CNPY1: variants seen among roughly 807,000 people sequenced by gnomAD.
The protein encoded by CNPY1 is canopy FGF signaling regulator 1, also known as protein canopy homolog 1.
A neutral mutation model predicts 14.4 loss-of-function variants in CNPY1; 14 were observed. The observed-to-expected ratio is 0.97, with a 90% CI of 0.64 to 1.52. The LOEUF is 1.52. Ranked by LOEUF, CNPY1 falls within the 40% of genes most tolerant of loss-of-function variation. The pLI is 0.00. For missense variants in CNPY1, 129 were observed against 131.5 expected (o/e 0.98, Z 0.09); for synonymous variants, 43 against 46.5 (o/e 0.92, Z 0.31).
chr7:155,509,496 A>G (rs1796453656), intron 2 of CNPY1, among the ~76,000 whole-genome samples: 1 of 151,988 alleles, frequency 6.6e-6, no homozygotes, highest in African/African-American at 2.4e-5. Flanking sequence ...AGGGGGAGAG[A>G]GACAGAGAGA....
chr7:155,520,428 CTTTTTTTTTTTTTTT>C (rs71522007), intron 2 of CNPY1, among the ~76,000 whole-genome samples: 8 of 69,410 alleles, frequency 1.2e-4, no homozygotes, highest in East Asian at 5.9e-4. Context: ...TTCTTTCTTT[CTTTTTTTTTTTTTTT>C]TTTTTTTTTT....
At chr7:155,542,503 G>C (rs920624098) in intron 2 of CNPY1, among the ~76,000 whole-genome samples, 2 of 152,198 alleles carry the variant, frequency 1.3e-5, no homozygotes, top group African/African-American at 4.8e-5. Context: ...TCACTGCTGG[G>C]CCTCACGTGG....
chr7:155,526,236 G>C (rs1745429150), intron 2 of CNPY1, among the ~76,000 whole-genome samples: 1 of 152,130 alleles, frequency 6.6e-6, no homozygotes, highest in South Asian at 2.1e-4. Context: ...GGGGAGCAAG[G>C]CTTATTTGAT....
chr7:155,515,045 C>T (rs1190331138), intron 2 of CNPY1, among the ~76,000 whole-genome samples: 1 of 152,206 alleles, frequency 6.6e-6, no homozygotes, highest in Non-Finnish European at 1.5e-5. Flanking sequence ...CACGCACACA[C>T]CACGCCATGC....
chr7:155,510,270 G>T (rs1796496556), intron 2 of CNPY1: 1 of 152,148 alleles, frequency 6.6e-6, no homozygotes, highest in Non-Finnish European at 1.5e-5. Flanking sequence ...TCAGCGGCGC[G>T]GCGGCGTCCC....
intron 2 of CNPY1, among the ~76,000 whole-genome samples, chr7:155,531,401 A>C (rs1402835032): frequency 6.6e-6 from 1 of 152,240 alleles, no homozygotes; most frequent in Non-Finnish European, 1.5e-5. Flanking sequence ...GTAGGTAATT[A>C]GGCTAGCCAC....
chr7:155,541,627 C>T (rs998594136), intron 2 of CNPY1, among the ~76,000 whole-genome samples: 1 of 152,218 alleles, frequency 6.6e-6, no homozygotes, highest in Non-Finnish European at 1.5e-5. Flanking sequence ...TTGGAGGCTC[C>T]CCAGAGCCCC....
intron 2 of CNPY1, among the ~76,000 whole-genome samples, chr7:155,528,856 C>T (rs377350199): frequency 2.6e-5 from 4 of 152,084 alleles, no homozygotes; most frequent in African/African-American, 4.8e-5. Flanking sequence ...GTCAGGAGAT[C>T]AAGACCATCC....
intron 2 of CNPY1, among the ~76,000 whole-genome samples, chr7:155,513,996 T>C (rs147880678): frequency 0.011 from 1,606 of 152,366 alleles, 24 homozygotes; most frequent in African/African-American, 0.036. Flanking sequence ...AAAAATCTTC[T>C]AAGCAAGGAC....
chr7:155,521,049 AAG>A (rs1491368067), intron 2 of CNPY1, among the ~76,000 whole-genome samples: 119 of 143,092 alleles, frequency 8.3e-4, no homozygotes, highest in South Asian at 5.2e-3. Context: ...ATGAAAAAAA[AAG>A]AAAGAAGGAA....
In CNPY1 at chr7:155,518,165, T is replaced by C. The variant is rs146896313; in HGVS notation, c.100-9068A>G. ...CCAGGAGGGGTGGCCAGATCCACAGTGCTCAAAGGGTGGTCCTTGGGCCAG... is the reference window on the plus strand; with the variant it reads ...CCAGGAGGGGTGGCCAGATCCACAGCGCTCAAAGGGTGGTCCTTGGGCCAG... On this transcript the variant is annotated intron_variant, in intron 2 of 4. Transcript: ENST00000636446. 1.1e-3 allele frequency among the ~76,000 whole-genome samples: 175 copies of C among 152,268 alleles called. 1 individual carries two copies. Among genetic ancestry groups the C allele is most frequent in the African/African-American group, 4.1e-3 (172 of 41,574 alleles).
Position 155,520,428 on chromosome 7 carries a change from CTTTTTTTTTT to C in CNPY1, c.100-11341_100-11332del, listed in dbSNP as rs71522007. On this transcript the variant is annotated intron_variant, in intron 2 of 4. Coordinates refer to ENST00000636446, the MANE Select transcript of CNPY1 (RefSeq NM_001393663.1). Reference sequence around the variant, plus strand: ...TTTCTTTTTCTTTCTTTCTTTCTTTCTTTTTTTTTTTTTTTTTTTTTTTTTTGAGGCAGAG... The same window carrying C: ...TTTCTTTTTCTTTCTTTCTTTCTTTCTTTTTTTTTTTTTTTTGAGGCAGAG... Among the ~76,000 whole-genome samples the C allele has an allele frequency of 7.4e-3, 515 of 69,472 alleles. 2 individuals carry two copies. Among genetic ancestry groups the C allele is most frequent in the African/African-American group, 0.012 (200 of 16,044 alleles). 45.6% of individuals were successfully genotyped at this position (69,472 alleles called of 152,430 possible). A position where few individuals can be genotyped will look rare whatever the true frequency, so the allele number is the denominator to read the frequency against.
intron 2 of CNPY1, among the ~76,000 whole-genome samples, chr7:155,545,300 C>A (rs565054979): frequency 3.3e-5 from 5 of 152,298 alleles, no homozygotes; most frequent in African/African-American, 1.2e-4. Flanking sequence ...TCTTAGACTC[C>A]ACCCTTCCAG....
At chr7:155,546,230 A>G (rs896463596) in intron 1 of CNPY1, among the ~76,000 whole-genome samples, 199 bp downstream of exon 1, 9 of 151,242 alleles carry the variant, frequency 6.0e-5, no homozygotes, top group African/African-American at 2.2e-4. Flanking sequence ...TCTGTTGCCC[A>G]GGCTGGAGTG....
chr7:155,503,456 G>A (rs1442483384), intron 4 of CNPY1, among the ~76,000 whole-genome samples: 1 of 151,988 alleles, frequency 6.6e-6, no homozygotes, highest in Non-Finnish European at 1.5e-5. Flanking sequence ...AGGACATCTG[G>A]CATTTAACCC....
intron 2 of CNPY1, among the ~76,000 whole-genome samples, chr7:155,519,546 TA>T (rs1378546801): frequency 6.9e-6 from 1 of 144,276 alleles, no homozygotes; most frequent in African/African-American, 2.7e-5. Context: ...AATAAATAAA[TA>T]AATAAATAAA....
intron 2 of CNPY1, among the ~76,000 whole-genome samples, chr7:155,529,690 C>T (rs1057027016): frequency 9.2e-5 from 14 of 152,218 alleles, no homozygotes; most frequent in Admixed American, 9.2e-4. Context: ...TGCCCCACCC[C>T]ACCCTGCTCC....
At chr7:155,522,692 G>GT (rs11411512) in intron 2 of CNPY1, among the ~76,000 whole-genome samples, 13,875 of 152,136 alleles carry the variant, frequency 0.091, 1,169 homozygotes, top group African/African-American at 0.22. Flanking sequence ...CACAGTCCTC[G>GT]TAAGAGCCAC....
At chr7:155,531,392 T>TA (rs796347942) in intron 2 of CNPY1, among the ~76,000 whole-genome samples, 34 of 152,294 alleles carry the variant, frequency 2.2e-4, no homozygotes, top group African/African-American at 7.7e-4. Flanking sequence ...AAATAACATG[T>TA]AGGTAATTAG....
Sources: allele counts gnomAD v4.1 joint callset (sites outside exome capture counted in the v4.1 genomes callset), GRCh38; gene constraint gnomAD v4.1.1; transcripts MANE v1.5; gene names NCBI Gene and HGNC (gene_info 2026-07-23, HGNC 2026-07-21).